CEP85L: variants seen among roughly 807,000 people sequenced by gnomAD.
CEP85L encodes centrosomal protein of 85 kDa-like.
In CEP85L, 60 loss-of-function variants were observed where a neutral mutation model predicts 100.3. The ratio of observed to expected loss-of-function variants is 0.60; its 90% CI spans 0.49 to 0.74. The LOEUF (loss-of-function observed/expected upper bound fraction) is 0.74. Ranked by LOEUF, CEP85L falls within the 30% of genes least tolerant of loss-of-function variation. CEP85L has a pLI of 0.00. For synonymous variants in CEP85L, 319 were observed against 322.7 expected (o/e 0.99, Z 0.12); for missense variants, 973 against 936.2 (o/e 1.04, Z -0.51).
intron 1 of CEP85L, among the ~76,000 whole-genome samples, chr6:118,659,635 A>T (rs1442753754): frequency 6.6e-6 from 1 of 152,258 alleles, no homozygotes; most frequent in African/African-American, 2.4e-5. Context: ...TTCAATCAGC[A>T]TTCGGGGAGA....
chr6:118,641,733 C>T (rs2115352960), intron 1 of CEP85L, among the ~76,000 whole-genome samples: 1 of 151,778 alleles, frequency 6.6e-6, no homozygotes, highest in South Asian at 2.1e-4. Flanking sequence ...AGTTGAAAAA[C>T]CTGAAGATAA....
intron 2 of CEP85L, among the ~76,000 whole-genome samples, chr6:118,612,559 G>A (rs950371089): frequency 2.0e-5 from 3 of 150,766 alleles, no homozygotes; most frequent in African/African-American, 4.9e-5. Flanking sequence ...CTACTGGGGA[G>A]GCTGAGGCAG....
At chr6:118,524,213 C>A (rs1266848714) in intron 3 of CEP85L, among the ~76,000 whole-genome samples, 1 of 152,092 alleles carries the variant, frequency 6.6e-6, no homozygotes, top group Non-Finnish European at 1.5e-5. Flanking sequence ...GTAATCCCAG[C>A]ACTTTGGGAG....
chr6:118,469,752 C>T (rs1047135593), intron 11 of CEP85L, among the ~76,000 whole-genome samples: 6 of 152,124 alleles, frequency 3.9e-5, no homozygotes, highest in African/African-American at 1.4e-4. Flanking sequence ...CAGGTAAACA[C>T]CATGATGCCT....
intron 11 of CEP85L, 92 bp downstream of exon 11, chr6:118,470,445 C>T (rs1414301713): frequency 1.6e-6 from 1 of 609,034 alleles, no homozygotes; most frequent in South Asian, 3.4e-5. Flanking sequence ...AAAATCATGT[C>T]TTTAATCTGA....
chr6:118,513,443 A>G (rs1241905414), intron 4 of CEP85L, among the ~76,000 whole-genome samples: 1 of 152,208 alleles, frequency 6.6e-6, no homozygotes, highest in Non-Finnish European at 1.5e-5. Context: ...TAAAATCTTA[A>G]TAGCAACCAG....
intron 2 of CEP85L, among the ~76,000 whole-genome samples, chr6:118,604,269 C>T (rs1423197364): frequency 6.6e-6 from 1 of 152,092 alleles, no homozygotes; most frequent in Non-Finnish European, 1.5e-5. Flanking sequence ...TGTGAAAGAG[C>T]AGATTAGTGC....
intron 2 of CEP85L, among the ~76,000 whole-genome samples, chr6:118,631,952 T>C (rs1182163102): frequency 6.6e-6 from 1 of 152,196 alleles, no homozygotes; most frequent in African/African-American, 2.4e-5. Flanking sequence ...GTAAGAAGTT[T>C]AGTTAAAAAG....
intron 3 of CEP85L, among the ~76,000 whole-genome samples, chr6:118,530,860 C>CAAA (rs34433730): frequency 7.0e-6 from 1 of 143,402 alleles, no homozygotes. Context: ...GAGATGATTC[C>CAAA]AAAAAAAAAA....
chr6:118,463,819 T>G lies in CEP85L; in HGVS notation c.*1586A>C, dbSNP rs1337394355. The G allele has an allele frequency of 6.6e-6, 1 of 152,136 alleles. No homozygotes were observed. The highest frequency in any genetic ancestry group is 2.4e-5 in the African/African-American group (1 of 41,464). 9.4% of individuals were successfully genotyped at this position (152,136 alleles called of 1,614,324 possible). The stretch of plus-strand genomic sequence containing the variant: ...ATAAAATAATCTATTGAGAGCTGTA[T>G]AGCCAACATTTTAAACTGTGTATCT... On this transcript the variant is annotated 3_prime_UTR_variant, in exon 13 of 13. Transcript: ENST00000368491.
At chr6:118,647,603 C>T (rs537238592) in intron 1 of CEP85L, among the ~76,000 whole-genome samples, 8 of 152,296 alleles carry the variant, frequency 5.3e-5, no homozygotes, top group African/African-American at 1.9e-4. Context: ...CTCAAGTGAT[C>T]CGCCCACCTC....
chr6:118,557,028 A>C (rs1778919318), intron 3 of CEP85L, among the ~76,000 whole-genome samples: 1 of 152,232 alleles, frequency 6.6e-6, no homozygotes, highest in Admixed American at 6.5e-5. Flanking sequence ...GTCTGTAAAT[A>C]GGATATGTCT....
chr6:118,480,131 A>G (rs1265041684), intron 9 of CEP85L, among the ~76,000 whole-genome samples: 1 of 152,142 alleles, frequency 6.6e-6, no homozygotes, highest in African/African-American at 2.4e-5. Context: ...TCTCAAATTT[A>G]TAAAATTTTT....
At position 118,461,642 on chromosome 6, in the gene CEP85L, C is replaced by T. The variant is rs1323781583; in HGVS notation, c.*3763G>A. On this transcript the variant is annotated 3_prime_UTR_variant, in exon 13 of 13. Transcript: ENST00000368491. ...AAAAAAATCCAAAATCTTTCCCATA[C>T]ATGATTAAATATATGATATAATCAT... 2.6e-5 allele frequency: 4 copies of T among 151,980 alleles called. No individual in the cohort carries two copies. Among genetic ancestry groups the T allele is most frequent in the Non-Finnish European group, 4.4e-5 (3 of 67,912 alleles). The allele number at this position is 151,980 out of a possible 1,614,324, so 9.4% of individuals were successfully genotyped here.
chr6:118,463,217 A>G lies in CEP85L; in HGVS notation c.*2188T>C, dbSNP rs1772317059. The G allele has an allele frequency of 6.6e-6, 1 of 152,014 alleles. No homozygotes were observed. The highest frequency in any genetic ancestry group is 1.5e-5 in the Non-Finnish European group (1 of 67,920). 9.4% of individuals were successfully genotyped at this position (152,014 alleles called of 1,614,324 possible). A position where few individuals can be genotyped will look rare whatever the true frequency, so the allele number is the denominator to read the frequency against. On this transcript the variant is annotated 3_prime_UTR_variant, in exon 13 of 13. Transcript: ENST00000368491. ...TAAGCCAAAAAACAAAAACGTATCT[A>G]TAGTAGATTAAAACAAACTGTAACG...
chr6:118,701,235 A>G (rs1183960213), intron 1 of CEP85L, among the ~76,000 whole-genome samples: 1 of 152,226 alleles, frequency 6.6e-6, no homozygotes, highest in African/African-American at 2.4e-5. Flanking sequence ...AGATTTCTCA[A>G]AGAACTTAGA....
chr6:118,578,633 G>A (rs951109708), intron 2 of CEP85L, among the ~76,000 whole-genome samples: 46 of 152,256 alleles, frequency 3.0e-4, no homozygotes, highest in African/African-American at 1.1e-3. Context: ...GGAGGCTGAG[G>A]CAGGAGAATG....
intron 1 of CEP85L, among the ~76,000 whole-genome samples, chr6:118,706,057 A>G (rs1183153807): frequency 6.6e-6 from 1 of 152,162 alleles, no homozygotes; most frequent in African/African-American, 2.4e-5. Context: ...ACGGCCGTCT[A>G]TGTAGGTGTG....
At chr6:118,628,644 A>G (rs2115307084) in intron 2 of CEP85L, among the ~76,000 whole-genome samples, 1 of 150,564 alleles carries the variant, frequency 6.6e-6, no homozygotes, top group East Asian at 1.9e-4. Context: ...AAAAAAACAA[A>G]CAAACAAACA....
Sources: gnomAD v4.1 joint callset for allele counts (sites outside exome capture counted in the v4.1 genomes callset) on GRCh38, gnomAD v4.1.1 for gene constraint, MANE v1.5 for transcripts, NCBI Gene and HGNC (gene_info 2026-07-23, HGNC 2026-07-21) for gene names.